AGBL4: variants seen among roughly 807,000 people sequenced by gnomAD.
AGBL4 encodes AGBL carboxypeptidase 4.
Under a neutral mutation model 66.4 loss-of-function variants are expected in AGBL4, and 58 were observed. The ratio of observed to expected loss-of-function variants is 0.87; its 90% confidence interval spans 0.71 to 1.09. The LOEUF is 1.09. Among genes scored for constraint, AGBL4 ranks in the 50% least tolerant of loss-of-function variants. The probability of loss-of-function intolerance (pLI) is 0.00; values close to 1 mark genes in which losing one functional copy is unlikely to be tolerated. For synonymous variants in AGBL4, 234 were observed against 222.9 expected, an observed-to-expected ratio of 1.05 and a Z score of -0.44; for missense variants, 579 against 631.0, an observed-to-expected ratio of 0.92 and a Z score of 0.88.
chr1:49,913,487 T>C (rs921504870), intron 1 of AGBL4, among the ~76,000 whole-genome samples: 3 of 152,342 alleles, frequency 2.0e-5, no homozygotes, highest in Non-Finnish European at 4.4e-5. Context: ...CCTGCCCCTA[T>C]GGCGTTGCTG....
At position 48,906,902 on chromosome 1, in the gene AGBL4, C is replaced by CA. The variant is rs562412960; in HGVS notation, c.595-39673dup. 4.6e-5 allele frequency among the ~76,000 whole-genome samples: 7 copies of CA among 152,222 alleles called. No homozygotes were observed. The East Asian group carries it at 1.4e-3, about 29-fold the overall frequency. Reference sequence around the variant, plus strand: ...GAAGATACGTTTCCTTCTGTGGTCACAAAAAACCACTTCACTGTCTGTACA... The same window carrying CA: ...GAAGATACGTTTCCTTCTGTGGTCACAAAAAAACCACTTCACTGTCTGTACA... On this transcript the variant is annotated intron_variant, in intron 5 of 13. Coordinates refer to ENST00000371839, the MANE Select transcript of AGBL4 (RefSeq NM_032785.4).
intron 3 of AGBL4, among the ~76,000 whole-genome samples, chr1:49,429,285 T>C (rs1645732259): frequency 6.6e-6 from 1 of 152,194 alleles, no homozygotes; most frequent in Non-Finnish European, 1.5e-5. Flanking sequence ...CCCATAAGAA[T>C]GAAAGGTCTG....
intron 9 of AGBL4, among the ~76,000 whole-genome samples, chr1:48,609,791 CGGAT>C (rs1279376418): frequency 7.2e-5 from 11 of 152,172 alleles, no homozygotes; most frequent in Non-Finnish European, 1.5e-4. Flanking sequence ...CCACTGCATG[CGGAT>C]GTCTGGCCAA....
chr1:49,215,637 T>G (rs1649028405), intron 4 of AGBL4, among the ~76,000 whole-genome samples: 1 of 152,080 alleles, frequency 6.6e-6, no homozygotes, highest in African/African-American at 2.4e-5. Context: ...ACAAAGAACC[T>G]CCATCACTGT....
At chr1:49,198,548 C>G (rs1647416427) in intron 4 of AGBL4, among the ~76,000 whole-genome samples, 1 of 152,032 alleles carries the variant, frequency 6.6e-6, no homozygotes, top group Admixed American at 6.6e-5. Context: ...CCATGTTGGC[C>G]AGGCTGGTCT....
At chr1:49,091,325 A>G (rs1034848431) in intron 4 of AGBL4, among the ~76,000 whole-genome samples, 5 of 152,136 alleles carry the variant, frequency 3.3e-5, no homozygotes, top group African/African-American at 1.2e-4. Context: ...TTTGCAAACT[A>G]TGCATCCAAC....
intron 3 of AGBL4, among the ~76,000 whole-genome samples, chr1:49,530,282 A>AAAAAAAAAAAAAAAAAAAAAAAAAAT (rs1558025489): frequency 6.9e-6 from 1 of 145,416 alleles, no homozygotes; most frequent in African/African-American, 2.5e-5. Context: ...ACAAAAAAAA[A>AAAAAAAAAAAAAAAAAAAAAAAAAAT]CTCTATGAGT....
chr1:48,568,373 G>T (rs903600072), intron 11 of AGBL4, among the ~76,000 whole-genome samples: 1 of 152,040 alleles, frequency 6.6e-6, no homozygotes, highest in Admixed American at 6.6e-5. Context: ...AGAAGATAGG[G>T]CTTTAGGCTA....
intron 6 of AGBL4, among the ~76,000 whole-genome samples, chr1:48,785,792 GGC>G (rs1645394538): frequency 6.6e-6 from 1 of 152,056 alleles, no homozygotes; most frequent in Non-Finnish European, 1.5e-5. Flanking sequence ...TGTTGTTGTT[GGC>G]TGGAAGTCAC....
At chr1:49,999,037 A>C (rs1660559049) in intron 1 of AGBL4, among the ~76,000 whole-genome samples, 1 of 152,128 alleles carries the variant, frequency 6.6e-6, no homozygotes, top group Admixed American at 6.5e-5. Context: ...AAGGATGCCC[A>C]CTTTCACCAC....
intron 1 of AGBL4, among the ~76,000 whole-genome samples, chr1:49,877,470 T>G (rs1400271982): frequency 6.6e-6 from 1 of 150,938 alleles, no homozygotes; most frequent in African/African-American, 2.4e-5. Context: ...TTTATTGATT[T>G]GCGTATATTG....
chr1:48,587,729 G>C (rs542890052), intron 10 of AGBL4, among the ~76,000 whole-genome samples: 4 of 151,310 alleles, frequency 2.6e-5, no homozygotes, highest in African/African-American at 9.7e-5. Flanking sequence ...TGCAAGCTCC[G>C]TCTCCCTGGT....
intron 3 of AGBL4, among the ~76,000 whole-genome samples, chr1:49,291,736 C>T (rs1043065474): frequency 6.6e-6 from 1 of 152,178 alleles, no homozygotes; most frequent in Non-Finnish European, 1.5e-5. Flanking sequence ...GCAGTGGTGG[C>T]CTGTCTGGAG....
chr1:49,071,670 G>A (rs1644606335), intron 4 of AGBL4, among the ~76,000 whole-genome samples: 1 of 151,870 alleles, frequency 6.6e-6, no homozygotes, highest in African/African-American at 2.4e-5. Context: ...CCAATCATGT[G>A]GTCAATTTTA....
intron 1 of AGBL4, among the ~76,000 whole-genome samples, chr1:49,951,963 G>A (rs1656193862): frequency 6.6e-6 from 1 of 151,764 alleles, no homozygotes; most frequent in African/African-American, 2.4e-5. Flanking sequence ...GAGGGAAGGA[G>A]GGAAAGAAAG....
At position 49,486,719 on chromosome 1, in the gene AGBL4, G is replaced by A. The variant is rs867281878; in HGVS notation, c.282+210594C>T. On this transcript the variant is annotated intron_variant, in intron 3 of 13. Coordinates refer to ENST00000371839, the MANE Select transcript of AGBL4 (RefSeq NM_032785.4). ...GTCCCATCTCTAGAAAAACGTCGGCGTAAGTAATCATTCCTCACATGATGC... is the reference window on the plus strand; with the variant it reads ...GTCCCATCTCTAGAAAAACGTCGGCATAAGTAATCATTCCTCACATGATGC... Among the ~76,000 whole-genome samples the A allele has an allele frequency of 4.6e-5, 7 of 152,050 alleles. 1 individual carries two copies. The Middle Eastern group carries it at 0.01, about 223-fold the overall frequency.
intron 5 of AGBL4, among the ~76,000 whole-genome samples, chr1:49,030,234 C>A (rs865793650): frequency 6.6e-6 from 1 of 151,970 alleles, no homozygotes; most frequent in Non-Finnish European, 1.5e-5. Flanking sequence ...GTGGGTGGAA[C>A]CTTCACGAAT....
At chr1:49,214,981 T>G (rs1188821895) in intron 4 of AGBL4, among the ~76,000 whole-genome samples, 1 of 152,124 alleles carries the variant, frequency 6.6e-6, no homozygotes, top group Non-Finnish European at 1.5e-5. Flanking sequence ...ACTGCCATTT[T>G]AAAATTTGAG....
At chr1:49,196,015 A>G (rs925048491) in intron 4 of AGBL4, among the ~76,000 whole-genome samples, 1 of 152,096 alleles carries the variant, frequency 6.6e-6, no homozygotes, top group Non-Finnish European at 1.5e-5. Flanking sequence ...CCATGTGAAG[A>G]AGGTCCTTGC....
Sources: gnomAD v4.1 joint callset for allele counts (sites outside exome capture counted in the v4.1 genomes callset) on GRCh38, gnomAD v4.1.1 for gene constraint, MANE v1.5 for transcripts, NCBI Gene and HGNC (gene_info 2026-07-23, HGNC 2026-07-21) for gene names.